The following NIBAN1 variants were observed in gnomAD, a reference collection of about 807,000 sequenced individuals.
NIBAN1 encodes protein Niban 1.
In NIBAN1, 81 loss-of-function variants were observed where a neutral mutation model predicts 75.1. The observed-to-expected ratio is 1.08, with a 90% CI of 0.90 to 1.30. NIBAN1 has a LOEUF of 1.30. Among genes scored for constraint, NIBAN1 ranks in the 50% most tolerant of loss-of-function variants. NIBAN1 has a pLI of 0.00. For synonymous variants in NIBAN1, 436 were observed against 424.8 expected (o/e 1.03, Z -0.32); for missense variants, 1,133 against 1,128.1 (o/e 1.00, Z -0.06).
chr1:184,852,005 C>T (rs1655553188), intron 5 of NIBAN1, among the ~76,000 whole-genome samples: 1 of 152,082 alleles, frequency 6.6e-6, no homozygotes, highest in African/African-American at 2.4e-5. Flanking sequence ...ACGCGGGGTC[C>T]AATCCAAGGT....
At chr1:184,798,331 T>C in intron 12 of NIBAN1, 141 bp from the exon 13 acceptor site, 1 of 548,614 alleles carries the variant, frequency 1.8e-6, no homozygotes, top group East Asian at 2.9e-5. Context: ...CAGGGGCAAA[T>C]TACTCAATTC....
chr1:184,949,940 C>T (rs577013649), intron 1 of NIBAN1, among the ~76,000 whole-genome samples: 13 of 152,212 alleles, frequency 8.5e-5, no homozygotes, highest in South Asian at 2.1e-4. Context: ...CCCAGGCAAT[C>T]AACAGTCATC....
intron 1 of NIBAN1, among the ~76,000 whole-genome samples, chr1:184,922,870 C>A (rs1183816582): frequency 1.3e-5 from 2 of 152,124 alleles, no homozygotes; most frequent in Non-Finnish European, 2.9e-5. Flanking sequence ...GCCTCCCAAA[C>A]TGCTGGGATT....
intron 6 of NIBAN1, among the ~76,000 whole-genome samples, chr1:184,824,853 T>C (rs1654803020): frequency 6.6e-6 from 1 of 152,238 alleles, no homozygotes; most frequent in Admixed American, 6.5e-5. Flanking sequence ...ACACCTTTTC[T>C]TCCAGTTTTG....
intron 1 of NIBAN1, among the ~76,000 whole-genome samples, chr1:184,906,152 G>A (rs1250327651): frequency 1.3e-5 from 2 of 151,914 alleles, no homozygotes; most frequent in African/African-American, 4.8e-5. Flanking sequence ...TGGGGGTGGG[G>A]TGAGGGTGAG....
chr1:184,957,108 T>TATC (rs893462791), intron 1 of NIBAN1, among the ~76,000 whole-genome samples: 3 of 152,228 alleles, frequency 2.0e-5, no homozygotes, highest in African/African-American at 7.2e-5. Flanking sequence ...GGTTTCAAGC[T>TATC]ATCAATGTGA....
intron 1 of NIBAN1, among the ~76,000 whole-genome samples, chr1:184,906,043 G>A (rs576734356): frequency 8.5e-4 from 129 of 151,228 alleles, no homozygotes; most frequent in Non-Finnish European, 1.5e-3. Context: ...TTTGAAACTA[G>A]CCTGGACAAC....
chr1:184,895,979 T>C (rs1656789678), intron 2 of NIBAN1, among the ~76,000 whole-genome samples: 1 of 152,204 alleles, frequency 6.6e-6, no homozygotes, highest in Non-Finnish European at 1.5e-5. Flanking sequence ...ACACTTAGGT[T>C]GGTTCCATGG....
At chr1:184,900,919 T>C (rs1656938005) in intron 1 of NIBAN1, among the ~76,000 whole-genome samples, 1 of 152,228 alleles carries the variant, frequency 6.6e-6, no homozygotes, top group African/African-American at 2.4e-5. Context: ...CTTTTAAAAT[T>C]TGATATTATA....
At chr1:184,920,096 A>G (rs1352866976) in intron 1 of NIBAN1, among the ~76,000 whole-genome samples, 3 of 152,202 alleles carry the variant, frequency 2.0e-5, no homozygotes, top group Non-Finnish European at 4.4e-5. Flanking sequence ...TGAGCCTCCA[A>G]CTGGAGGACA....
chr1:184,920,559 C>A (rs1248605154), intron 1 of NIBAN1, among the ~76,000 whole-genome samples: 3 of 152,176 alleles, frequency 2.0e-5, no homozygotes, highest in Admixed American at 1.3e-4. Context: ...CAGCTTCTAA[C>A]CACTATTAGT....
chr1:184,861,933 C>T (rs1655828180), intron 5 of NIBAN1, among the ~76,000 whole-genome samples: 1 of 152,188 alleles, frequency 6.6e-6, no homozygotes, highest in Non-Finnish European at 1.5e-5. Flanking sequence ...GTGACTAGTA[C>T]TGTCAGCTAG....
At chr1:184,879,739 G>C (rs1656328791) in intron 5 of NIBAN1, among the ~76,000 whole-genome samples, 1 of 152,140 alleles carries the variant, frequency 6.6e-6, no homozygotes, top group Non-Finnish European at 1.5e-5. Context: ...TAAAGGCATG[G>C]GATTTCTGGG....
At chr1:184,863,625 C>T (rs1039717082) in intron 5 of NIBAN1, among the ~76,000 whole-genome samples, 8 of 152,134 alleles carry the variant, frequency 5.3e-5, no homozygotes, top group East Asian at 1.9e-4. Flanking sequence ...CCTTCCTCTA[C>T]GTGACAAAAG....
At chr1:184,968,740 G>T (rs1167067748) in intron 1 of NIBAN1, among the ~76,000 whole-genome samples, 2 of 152,190 alleles carry the variant, frequency 1.3e-5, no homozygotes, top group African/African-American at 2.4e-5. Flanking sequence ...ATAGAATGAG[G>T]TTTGTCTATG....
chr1:184,816,273 T>C (rs1466040082), intron 9 of NIBAN1, among the ~76,000 whole-genome samples: 2 of 152,170 alleles, frequency 1.3e-5, no homozygotes, highest in East Asian at 3.9e-4. Context: ...CTCAAAGGTT[T>C]TAAATGTTTG....
chr1:184,871,368 A>AAAAAAAAAAAAG (rs1553222993), intron 5 of NIBAN1, among the ~76,000 whole-genome samples: 4 of 121,792 alleles, frequency 3.3e-5, no homozygotes, highest in Non-Finnish European at 5.1e-5. Context: ...AAAAAAAAAA[A>AAAAAAAAAAAAG]AAAAAGAGGA....
Position 184,798,200 on chromosome 1 carries a change from A to G in NIBAN1, c.1555-10T>C. The G allele has an allele frequency of 1.9e-6, 3 of 1,541,702 alleles. No homozygotes were observed. The highest frequency in any genetic ancestry group is 2.7e-6 in the Non-Finnish European group (3 of 1,123,316). On this transcript the variant is annotated splice_polypyrimidine_tract_variant and intron_variant, in intron 12 of 13. Transcript: ENST00000367511. ...CGTATTTCTGAAGCTCCTGGAGAGC[A>G]AGAGATTAGAAGATAAAGATGAAAA... is the stretch of plus-strand genomic sequence containing the variant.
intron 1 of NIBAN1, among the ~76,000 whole-genome samples, chr1:184,968,261 T>C (rs1345705273): frequency 4.6e-5 from 7 of 152,172 alleles, no homozygotes; most frequent in African/African-American, 9.7e-5. Context: ...TTCATGGCTT[T>C]GCAACATGAG....
Sources: gnomAD v4.1 joint callset for allele counts (sites outside exome capture counted in the v4.1 genomes callset) on GRCh38, gnomAD v4.1.1 for gene constraint, MANE v1.5 for transcripts, NCBI Gene and HGNC (gene_info 2026-07-23, HGNC 2026-07-21) for gene names.